Variants in VAC14 observed in about 807,000 individuals in gnomAD.
VAC14 encodes protein VAC14 homolog.
A neutral mutation model predicts 85.3 loss-of-function variants in VAC14; 47 were observed. The ratio of observed to expected loss-of-function variants is 0.55; its 90% CI spans 0.44 to 0.70. VAC14 has a LOEUF of 0.70. VAC14 is among the 30% of genes least tolerant of loss of function. The probability of loss-of-function intolerance (pLI) is 0.00; values close to 1 mark genes in which losing one functional copy is unlikely to be tolerated. For missense variants in VAC14, 861 were observed against 1,004.3 expected (o/e 0.86, Z 1.93); for synonymous variants, 447 against 430.5 (o/e 1.04, Z -0.47).
At chr16:70,741,532 T>C (rs530932693) in intron 13 of VAC14, among the ~76,000 whole-genome samples, 1 of 152,356 alleles carries the variant, frequency 6.6e-6, no homozygotes, top group South Asian at 2.1e-4. Flanking sequence ...ATGGATCTGC[T>C]TGGAGCCTTG....
intron 5 of VAC14, among the ~76,000 whole-genome samples, chr16:70,783,791 T>C (rs1206130198): frequency 6.6e-6 from 1 of 151,938 alleles, no homozygotes; most frequent in Non-Finnish European, 1.5e-5. Flanking sequence ...GAGAAGGGGA[T>C]GGATGGGGAA....
At chr16:70,705,573 G>T (rs1431710847) in intron 14 of VAC14, among the ~76,000 whole-genome samples, 15 of 152,254 alleles carry the variant, frequency 9.9e-5, no homozygotes, top group Non-Finnish European at 5.9e-5. Flanking sequence ...GTGGAAAACA[G>T]CTGGCCTGGC....
rs113827988 is a variant in VAC14, at chr16:70,720,853, T to G, written c.1661+10642A>C. 4.8e-4 allele frequency among the ~76,000 whole-genome samples: 73 copies of G among 152,188 alleles called. 2 individuals are homozygous for G. Among genetic ancestry groups the G allele is most frequent in the African/African-American group, 1.6e-3 (68 of 41,526 alleles). The stretch of plus-strand genomic sequence containing the variant: ...GCAGGTCACACCCCTTCTGAGGGAA[T>G]AAAGAGACACAAAACTTAGCACTTA... On this transcript the variant is annotated intron_variant, in intron 14 of 18. Coordinates refer to ENST00000261776, the MANE Select transcript of VAC14 (RefSeq NM_018052.5).
intron 18 of VAC14, chr16:70,688,909 G>A: frequency 2.0e-6 from 2 of 985,506 alleles, no homozygotes; most frequent in Non-Finnish European, 2.4e-6. Flanking sequence ...GGCCTCACTG[G>A]TTTGGAGGAG....
At chr16:70,798,791 T>G (rs2034650576) in intron 1 of VAC14, among the ~76,000 whole-genome samples, 1 of 152,214 alleles carries the variant, frequency 6.6e-6, no homozygotes. Flanking sequence ...GCCACGCTTT[T>G]GGGCAGCAAG....
chr16:70,726,395 G>T (rs372787643), intron 14 of VAC14, among the ~76,000 whole-genome samples: 1 of 152,182 alleles, frequency 6.6e-6, no homozygotes, highest in South Asian at 2.1e-4. Context: ...CATCCCCTCA[G>T]GGGTGTGGTT....
intron 8 of VAC14, among the ~76,000 whole-genome samples, chr16:70,781,613 G>A (rs1055522152): frequency 6.6e-6 from 1 of 152,146 alleles, no homozygotes; most frequent in Admixed American, 6.5e-5. Flanking sequence ...TGAACTCAGA[G>A]GGTTGGAACT....
chr16:70,759,460 C>T (rs548521774), intron 12 of VAC14, among the ~76,000 whole-genome samples: 1 of 152,216 alleles, frequency 6.6e-6, no homozygotes, highest in South Asian at 2.1e-4. Flanking sequence ...AAGCCCGTCT[C>T]TACTAAAAAT....
chr16:70,694,980 A>G (rs1567520245), intron 17 of VAC14, among the ~76,000 whole-genome samples: 1 of 152,194 alleles, frequency 6.6e-6, no homozygotes, highest in African/African-American at 2.4e-5. Flanking sequence ...TCAGCCTTCA[A>G]GGGGGTTCTG....
intron 17 of VAC14, 126 bp downstream of exon 17, chr16:70,695,418 T>C: frequency 1.1e-6 from 1 of 924,950 alleles, no homozygotes; most frequent in Non-Finnish European, 1.7e-6. Context: ...TCCAGAAGCT[T>C]CCCTGGGGTG....
rs145833561 is a variant in VAC14, at chr16:70,779,983, T to C, written c.1096+807A>G. 5.4e-3 allele frequency among the ~76,000 whole-genome samples: 821 copies of C among 151,894 alleles called. 3 individuals are homozygous for C. The highest frequency in any genetic ancestry group is 9.8e-3 in the Non-Finnish European group (669 of 67,948). ...TCAGCTTCCTGAGGAGCTGGGACTA[T>C]AGGTGTGCACCACCATATCTGGCTA... On this transcript the variant is annotated intron_variant, in intron 9 of 18. Transcript: ENST00000261776.
chr16:70,733,356 C>T (rs1034847150), intron 13 of VAC14, among the ~76,000 whole-genome samples: 8 of 151,930 alleles, frequency 5.3e-5, no homozygotes, highest in African/African-American at 9.7e-5. Flanking sequence ...ATATGGAATA[C>T]GGCTATTCTA....
At chr16:70,690,096 A>C in intron 18 of VAC14, 1 of 985,590 alleles carries the variant, frequency 1.0e-6, no homozygotes, top group South Asian at 4.7e-5. Flanking sequence ...TCAGCACTGG[A>C]TGGCAAACCC....
intron 3 of VAC14, among the ~76,000 whole-genome samples, 181 bp from the exon 4 acceptor site, chr16:70,785,019 G>A (rs2033983196): frequency 6.6e-6 from 1 of 152,238 alleles, no homozygotes; most frequent in African/African-American, 2.4e-5. Context: ...GGGTACAATG[G>A]AGTTGGCTGA....
At chr16:70,759,298 G>A (rs534484477) in intron 12 of VAC14, among the ~76,000 whole-genome samples, 5 of 152,218 alleles carry the variant, frequency 3.3e-5, no homozygotes, top group East Asian at 1.9e-4. Context: ...AAAAGTGGAC[G>A]AAGGATCTGG....
chr16:70,787,341 AGAG>A (rs1448400718), intron 1 of VAC14, among the ~76,000 whole-genome samples: 1 of 152,196 alleles, frequency 6.6e-6, no homozygotes, highest in Non-Finnish European at 1.5e-5. Context: ...AGCTGATATA[AGAG>A]GAGAGAGGAG....
intron 14 of VAC14, among the ~76,000 whole-genome samples, chr16:70,719,067 C>T (rs982042663): frequency 5.3e-5 from 8 of 152,316 alleles, no homozygotes; most frequent in Admixed American, 1.3e-4. Context: ...TGCAGACCAC[C>T]GCTGGCCTGG....
At chr16:70,688,691 T>C in intron 18 of VAC14, 1 of 985,598 alleles carries the variant, frequency 1.0e-6, no homozygotes, top group Non-Finnish European at 1.2e-6. Flanking sequence ...GCTGCCACCC[T>C]CTCCAGTTGC....
Position 70,698,857 on chromosome 16 carries a change from G to T in VAC14, c.1662-46C>A, listed in dbSNP as rs775666330. 5 of 1,604,078 alleles carry T rather than the reference G, an allele frequency of 3.1e-6. No homozygotes were observed. In the East Asian group the frequency reaches 8.9e-5, roughly 29 times the overall value. ...GGTCAGGGCGCAGGCCGACCTGGAA[G>T]GCTCTGTGTCTCAGCCTGGGAGGCC... On this transcript the variant is annotated intron_variant, in intron 14 of 18. Coordinates refer to ENST00000261776, the MANE Select transcript of VAC14 (RefSeq NM_018052.5).
Sources: gnomAD v4.1 joint callset for allele counts (sites outside exome capture counted in the v4.1 genomes callset) on GRCh38, gnomAD v4.1.1 for gene constraint, MANE v1.5 for transcripts, NCBI Gene and HGNC (gene_info 2026-07-23, HGNC 2026-07-21) for gene names.